Variants in FKBP5 observed in about 807,000 individuals in gnomAD.
FKBP5 encodes peptidyl-prolyl cis-trans isomerase FKBP5.
FKBP5 carries 23 observed loss-of-function variants against 50.5 expected under a neutral mutation model. The ratio of observed to expected loss-of-function variants is 0.46; its 90% CI spans 0.33 to 0.65. The LOEUF is 0.65. Among genes scored for constraint, FKBP5 ranks in the 30% least tolerant of loss-of-function variants. FKBP5 has a pLI of 0.02. For missense variants in FKBP5, 411 were observed against 553.1 expected (o/e 0.74, Z 2.58); for synonymous variants, 176 against 190.6 (o/e 0.92, Z 0.63).
At chr6:35,678,118 T>G (rs993825515) in intron 1 of FKBP5, among the ~76,000 whole-genome samples, 1 of 152,046 alleles carries the variant, frequency 6.6e-6, no homozygotes, top group Non-Finnish European at 1.5e-5. Flanking sequence ...AGACATAAAG[T>G]TAGAAACAAA....
chr6:35,724,541 C>T (rs1276679282), intron 1 of FKBP5, among the ~76,000 whole-genome samples: 1 of 152,140 alleles, frequency 6.6e-6, no homozygotes, highest in Non-Finnish European at 1.5e-5. Context: ...GGAGAATTTG[C>T]ATTTTAGTTA....
At chr6:35,637,180 A>G (rs1238579476) in intron 2 of FKBP5, 22 bp from the exon 3 acceptor site, 7 of 1,598,682 alleles carry the variant, frequency 4.4e-6, no homozygotes, top group Non-Finnish European at 5.1e-6. Flanking sequence ...AAACATTAAG[A>G]AAAAGGAGGT....
At chr6:35,599,552 T>A (rs1455672839) in intron 5 of FKBP5, among the ~76,000 whole-genome samples, 1 of 152,216 alleles carries the variant, frequency 6.6e-6, no homozygotes, top group Non-Finnish European at 1.5e-5. Context: ...AAGTGAGTAC[T>A]CACTACTCTT....
chr6:35,634,604 A>T (rs2150985405), intron 3 of FKBP5, among the ~76,000 whole-genome samples: 1 of 152,302 alleles, frequency 6.6e-6, no homozygotes, highest in African/African-American at 2.4e-5. Context: ...GTTTCTGCTT[A>T]CTATATTTCC....
chr6:35,683,016 G>A (rs1243851784), intron 1 of FKBP5, among the ~76,000 whole-genome samples: 1 of 150,662 alleles, frequency 6.6e-6, no homozygotes, highest in Non-Finnish European at 1.5e-5. Context: ...GTGTCTGTGT[G>A]TATATATATG....
chr6:35,630,544 C>G (rs1764125100), intron 3 of FKBP5, among the ~76,000 whole-genome samples: 1 of 150,354 alleles, frequency 6.7e-6, no homozygotes, highest in African/African-American at 2.4e-5. Flanking sequence ...GACTCCGTCT[C>G]AAAAAAAAAG....
chr6:35,656,917 G>GAAAAAGAA (rs1764969883), intron 1 of FKBP5, among the ~76,000 whole-genome samples: 2 of 129,858 alleles, frequency 1.5e-5, no homozygotes, highest in African/African-American at 5.7e-5. Flanking sequence ...AAAGAAAAAA[G>GAAAAAGAA]AAAAAGAAAA....
intron 3 of FKBP5, among the ~76,000 whole-genome samples, chr6:35,627,495 T>C (rs1397261304): frequency 6.6e-6 from 1 of 152,118 alleles, no homozygotes; most frequent in Non-Finnish European, 1.5e-5. Context: ...GTTATAGGAG[T>C]TGTTTGTGTA....
At chr6:35,708,533 TG>T (rs1325806426) in intron 2 of FKBP5, among the ~76,000 whole-genome samples, 1 of 152,016 alleles carries the variant, frequency 6.6e-6, no homozygotes, top group Non-Finnish European at 1.5e-5. Context: ...ATTACAAGCA[TG>T]AGCCATTGCG....
rs1026441921 is a variant in FKBP5 at position 35,711,907 on chromosome 6, C to T, written c.-20+8421G>A. Among the ~76,000 whole-genome samples the T allele has an allele frequency of 9.2e-5, 14 of 151,994 alleles. 1 individual carries two copies. In the South Asian group the frequency reaches 2.5e-3, roughly 27 times the overall value. The stretch of plus-strand genomic sequence containing the variant: ...TTGTTTTTGTTTTTTGAGACAGTCT[C>T]GCTCTATCGCCCAGGCTAGAGTGCA... On this transcript the variant is annotated intron_variant, in intron 2 of 11. Coordinates refer to the FKBP5 transcript ENST00000536438.
chr6:35,581,269 T>C (rs529323962), intron 8 of FKBP5: 2 of 432,134 alleles, frequency 4.6e-6, no homozygotes, highest in Middle Eastern at 1.1e-3. Flanking sequence ...AATATAAACA[T>C]ATATAATATA....
chr6:35,576,515 T>A (rs992924554), intron 10 of FKBP5, among the ~76,000 whole-genome samples: 2 of 151,966 alleles, frequency 1.3e-5, no homozygotes, highest in African/African-American at 4.8e-5. Context: ...TTACAAAAAA[T>A]TTTAAAAAAT....
rs766580913 is a variant in FKBP5 at position 35,586,545 on chromosome 6, T to G, written c.840+489A>C. Reference sequence around the variant, plus strand: ...ACTTTGGGAAGCTGAGGTGGGAGGATTGCTTGAGGCTAGAAGTTTGAGACC... The same window carrying G: ...ACTTTGGGAAGCTGAGGTGGGAGGAGTGCTTGAGGCTAGAAGTTTGAGACC... On this transcript the variant is annotated intron_variant, in intron 8 of 10. Transcript: ENST00000357266. 5.1e-6 allele frequency: 5 copies of G among 985,960 alleles called. No homozygotes were observed. The South Asian group carries it at 1.4e-4, about 27-fold the overall frequency. 61.1% of individuals were successfully genotyped at this position (985,960 alleles called of 1,614,324 possible). A position where few individuals can be genotyped will look rare whatever the true frequency, so the allele number is the denominator to read the frequency against.
chr6:35,637,032 C>T lies in FKBP5; in HGVS notation c.232G>A (p.Val78Ile), dbSNP rs777999893. The T allele has an allele frequency of 6.2e-7, 1 of 1,600,820 alleles. No homozygotes were observed. Among genetic ancestry groups the T allele is most frequent in the Non-Finnish European group, 8.5e-7 (1 of 1,177,200 alleles). ...DSSHDRNEPFVFSLGKGQVIK... is the reference protein window; with the variant it reads ...DSSHDRNEPFIFSLGKGQVIK... ...CTCTTACCTTTGCCAAGACTAAAGACAAATGGTTCATTTCTATCATGACTG... is the reference window on the plus strand; with the variant it reads ...CTCTTACCTTTGCCAAGACTAAAGATAAATGGTTCATTTCTATCATGACTG... Residue 78 changes from valine (V) to isoleucine (I), a missense_variant, in exon 3 of 11, where the codon GTC (valine) becomes ATC (isoleucine). This residue lies in a region of FKBP5 where 267 missense variants were observed against 405.9 expected (regional missense o/e 0.66). Transcript: ENST00000357266.
At chr6:35,683,818 G>A (rs1765748910) in intron 1 of FKBP5, among the ~76,000 whole-genome samples, 1 of 151,782 alleles carries the variant, frequency 6.6e-6, no homozygotes, top group Non-Finnish European at 1.5e-5. Flanking sequence ...TTGGGAGGTC[G>A]AGGCAGGCGG....
chr6:35,632,726 C>T (rs908852911), intron 3 of FKBP5, among the ~76,000 whole-genome samples: 1 of 151,680 alleles, frequency 6.6e-6, no homozygotes, highest in African/African-American at 2.4e-5. Context: ...TCCGTCTCTA[C>T]TAAAAATACA....
intron 1 of FKBP5, among the ~76,000 whole-genome samples, chr6:35,649,417 A>G (rs1764724499): frequency 6.9e-6 from 1 of 144,770 alleles, no homozygotes; most frequent in Non-Finnish European, 1.5e-5. Flanking sequence ...CTTATGAGTA[A>G]GTATTTGGCT....
At chr6:35,596,369 ATGAT>A (rs1762982737) in intron 6 of FKBP5, among the ~76,000 whole-genome samples, 1 of 152,078 alleles carries the variant, frequency 6.6e-6, no homozygotes, top group South Asian at 2.1e-4. Flanking sequence ...ATATATATAT[ATGAT>A]TATGGATCAA....
intron 2 of FKBP5, among the ~76,000 whole-genome samples, chr6:35,637,977 C>T (rs1248846908): frequency 6.6e-6 from 1 of 152,068 alleles, no homozygotes; most frequent in Non-Finnish European, 1.5e-5. Context: ...GGTTACATTT[C>T]CTATTATTTG....
Sources: allele counts gnomAD v4.1 joint callset (sites outside exome capture counted in the v4.1 genomes callset), GRCh38; gene constraint gnomAD v4.1.1; regional missense constraint gnomAD v4.1.1; transcripts MANE v1.5; gene names NCBI Gene and HGNC (gene_info 2026-07-23, HGNC 2026-07-21).